Variants in NRTN observed in about 807,000 individuals in gnomAD.
The protein encoded by NRTN is prepro-neurturin.
In NRTN, 3 loss-of-function variants were observed where a neutral mutation model predicts 7.5. The observed-to-expected ratio is 0.40, with a 90% CI of 0.18 to 1.03. The LOEUF is 1.03. Ranked by LOEUF, NRTN falls within the 50% of genes least tolerant of loss-of-function variation. NRTN has a pLI of 0.34. For synonymous variants in NRTN, 157 were observed against 146.6 expected (o/e 1.07, Z -0.51); for missense variants, 310 against 307.0 (o/e 1.01, Z -0.07).
chr19:5,817,749 G>GTGT (rs922431644), intron 1 of NRTN, among the ~76,000 whole-genome samples: 1 of 152,122 alleles, frequency 6.6e-6, no homozygotes, highest in Non-Finnish European at 1.5e-5. Flanking sequence ...CAGGATGTGT[G>GTGT]TGTAACCCTG....
rs180845080 is a variant in NRTN at position 5,824,738 on chromosome 19, C to A, written c.169+404C>A. Among the ~76,000 whole-genome samples, 97 of 152,304 alleles carry A rather than the reference C, an allele frequency of 6.4e-4. 1 individual carries two copies. In the Middle Eastern group the frequency reaches 0.01, roughly 16 times the overall value. On this transcript the variant is annotated intron_variant, in intron 2 of 2. Coordinates refer to ENST00000303212, the MANE Select transcript of NRTN (RefSeq NM_004558.5). ...TCAAGGCTGCATTGAGCTATGATTG[C>A]ACCACTATACTCCAGCCTGAGCAAC...
chr19:5,824,462 G>C, intron 2 of NRTN, 128 bp downstream of exon 2: 1 of 1,177,834 alleles, frequency 8.5e-7, no homozygotes, highest in Non-Finnish European at 1.2e-6. Flanking sequence ...CCCCCTTGCA[G>C]GGAGGCAGGG....
At chr19:5,813,722 C>G (rs1231262134) in intron 1 of NRTN, among the ~76,000 whole-genome samples, 1 of 151,244 alleles carries the variant, frequency 6.6e-6, no homozygotes, top group Non-Finnish European at 1.5e-5. Flanking sequence ...CACCTGTAGT[C>G]CCAGTTACTC....
intron 1 of NRTN, among the ~76,000 whole-genome samples, chr19:5,811,881 AT>A (rs1199690105): frequency 6.9e-6 from 1 of 145,280 alleles, no homozygotes; most frequent in Non-Finnish European, 1.5e-5. Flanking sequence ...TTATTTATTT[AT>A]TTTTTTGAGA....
chr19:5,806,318 T>C lies in NRTN; in HGVS notation c.-399+867T>C, dbSNP rs971059969. On this transcript the variant is annotated intron_variant, in intron 1 of 2. Coordinates refer to ENST00000303212, the MANE Select transcript of NRTN (RefSeq NM_004558.5). The surrounding 1 kb of genome is among the most constrained non-coding windows in gnomAD (Gnocchi z 5.4). Reference sequence around the variant, plus strand: ...CGCATCCGACCTGCCCACAGGCCTGTGATTACCTGCAGGGCTCGTCATTGG... The same window carrying C: ...CGCATCCGACCTGCCCACAGGCCTGCGATTACCTGCAGGGCTCGTCATTGG... Among the ~76,000 whole-genome samples, 4 of 152,044 alleles carry C rather than the reference T, an allele frequency of 2.6e-5. No individual in the cohort carries two copies. The highest frequency in any genetic ancestry group is 9.7e-5 in the African/African-American group (4 of 41,378).
Position 5,823,838 on chromosome 19 carries a change from C to A in NRTN, c.-328C>A, listed in dbSNP as rs1266123615. The A allele has an allele frequency of 2.1e-6, 1 of 471,410 alleles. No homozygotes were observed. Among genetic ancestry groups the A allele is most frequent in the Non-Finnish European group, 3.9e-6 (1 of 256,692 alleles). The allele number at this position is 471,410 out of a possible 1,614,324, so 29.2% of individuals were successfully genotyped here. On this transcript the variant is annotated 5_prime_UTR_variant, in exon 2 of 3. It adds an upstream start codon to the 5' untranslated region. Coordinates refer to ENST00000303212, the MANE Select transcript of NRTN (RefSeq NM_004558.5). The stretch of plus-strand genomic sequence containing the variant: ...TCAGTCTGGCCTCGGGGCCTTTGCA[C>A]TGGCTGTGTCCCCTGCCTGTGATGC...
intron 1 of NRTN, among the ~76,000 whole-genome samples, chr19:5,810,435 C>T (rs1342757813): frequency 6.6e-6 from 1 of 151,872 alleles, no homozygotes; most frequent in African/African-American, 2.4e-5. Flanking sequence ...TTGCTGTGTG[C>T]CCTTGAATAA....
At chr19:5,823,625 A>G (rs757503636) in intron 1 of NRTN, among the ~76,000 whole-genome samples, 143 bp from the exon 2 acceptor site, 2 of 152,130 alleles carry the variant, frequency 1.3e-5, no homozygotes, top group Non-Finnish European at 2.9e-5. Flanking sequence ...TCAATGGAGG[A>G]CACCAGCATG....
chr19:5,825,892 TGG>T (rs1276492961), intron 2 of NRTN, among the ~76,000 whole-genome samples: 3 of 152,182 alleles, frequency 2.0e-5, no homozygotes, highest in Non-Finnish European at 4.4e-5. Context: ...CCCAGCACTT[TGG>T]GAGGCCGAGG....
intron 1 of NRTN, among the ~76,000 whole-genome samples, chr19:5,820,258 T>TC (rs532862172): frequency 0.17 from 14,303 of 82,392 alleles, 1,539 homozygotes; most frequent in East Asian, 0.48. Context: ...AGAGCAAGAC[T>TC]CCGTCTCAAA....
chr19:5,817,757 CTGTT>C (rs933893270), intron 1 of NRTN, among the ~76,000 whole-genome samples: 11 of 152,012 alleles, frequency 7.2e-5, no homozygotes, highest in African/African-American at 2.4e-4. Flanking sequence ...GTGTGTAACC[CTGTT>C]TGAGTGTGGA....
At chr19:5,809,126 C>T (rs573592146) in intron 1 of NRTN, among the ~76,000 whole-genome samples, 20 of 151,928 alleles carry the variant, frequency 1.3e-4, no homozygotes, top group Admixed American at 1.3e-3. Context: ...CTCCTTGACT[C>T]CCCAGTCTAG....
Position 5,806,655 on chromosome 19 carries a change from A to G in NRTN, c.-399+1204A>G, listed in dbSNP as rs2056975943. ...TCCTCCCTTCATCCTAAGACTCCCG[A>G]GGTTCATAGCTCCGGCACCGACTCC... On this transcript the variant is annotated intron_variant, in intron 1 of 2. Coordinates refer to ENST00000303212, the MANE Select transcript of NRTN (RefSeq NM_004558.5). The surrounding 1 kb of genome is among the most constrained non-coding windows in gnomAD (Gnocchi z 5.4). Among the ~76,000 whole-genome samples, 1 of 151,984 alleles carries G rather than the reference A, an allele frequency of 6.6e-6. No homozygotes were observed. The highest frequency in any genetic ancestry group is 6.6e-5 in the Admixed American group (1 of 15,256).
Position 5,823,818 on chromosome 19 carries a change from CTG to C in NRTN, c.-347_-346del. On this transcript the variant is annotated 5_prime_UTR_variant, in exon 2 of 3. The change abolishes the stop of an existing upstream ORF in the 5' untranslated region. Transcript: ENST00000303212. ...GTTCCTGGGATACGCCACACTCAGT[CTG>C]GCCTCGGGGCCTTTGCACTGGCTGT... 2.3e-6 allele frequency: 1 copy of C among 428,940 alleles called. No individual in the cohort carries two copies. Among genetic ancestry groups the C allele is most frequent in the South Asian group, 2.3e-5 (1 of 42,958 alleles). The allele number at this position is 428,940 out of a possible 1,614,324, so 26.6% of individuals were successfully genotyped here.
intron 1 of NRTN, among the ~76,000 whole-genome samples, chr19:5,807,558 C>CA (rs1457274236): frequency 6.6e-6 from 1 of 152,058 alleles, no homozygotes; most frequent in Non-Finnish European, 1.5e-5. Context: ...GGCATGCCTG[C>CA]AGGAAGGGTG....
At chr19:5,811,703 G>GT (rs972487156) in intron 1 of NRTN, among the ~76,000 whole-genome samples, 7 of 134,348 alleles carry the variant, frequency 5.2e-5, no homozygotes, top group African/African-American at 1.2e-4. Flanking sequence ...CGGCTAATTT[G>GT]TTTTTTGTTT....
At chr19:5,816,417 C>T (rs752910524) in intron 1 of NRTN, among the ~76,000 whole-genome samples, 9 of 152,086 alleles carry the variant, frequency 5.9e-5, no homozygotes, top group Admixed American at 2.6e-4. Context: ...CTTGCTCTGT[C>T]GTCCAGGCTG....
intron 1 of NRTN, among the ~76,000 whole-genome samples, chr19:5,807,161 A>T (rs1414959931): frequency 6.6e-6 from 1 of 152,188 alleles, no homozygotes; most frequent in Non-Finnish European, 1.5e-5. Context: ...CTGTGCATGC[A>T]AAGATCTGGA....
intron 1 of NRTN, among the ~76,000 whole-genome samples, chr19:5,818,874 C>T (rs185848483): frequency 1.8e-4 from 27 of 152,118 alleles, no homozygotes; most frequent in African/African-American, 6.3e-4. Flanking sequence ...GCTGGGCCCC[C>T]TCCGCCAATG....
Sources: gnomAD v4.1 joint callset for allele counts (sites outside exome capture counted in the v4.1 genomes callset) on GRCh38, gnomAD v4.1.1 for gene constraint, Gnocchi (gnomAD v3.1) non-coding constraint, MANE v1.5 for transcripts, NCBI Gene and HGNC (gene_info 2026-07-23, HGNC 2026-07-21) for gene names.